DNAJB1: variants seen among roughly 807,000 people sequenced by gnomAD.
DNAJB1 encodes the protein dnaJ homolog subfamily B member 1.
DNAJB1 carries 14 observed loss-of-function variants against 24.0 expected under a neutral mutation model. The ratio of observed to expected loss-of-function variants is 0.58; its 90% CI spans 0.39 to 0.91. DNAJB1 has a LOEUF of 0.91. DNAJB1 is among the 40% of genes least tolerant of loss of function. The probability of loss-of-function intolerance (pLI) is 0.00; values close to 1 mark genes in which losing one functional copy is unlikely to be tolerated. For synonymous variants in DNAJB1, 262 were observed against 174.4 expected (o/e 1.50, Z -3.96); for missense variants, 517 against 458.1 (o/e 1.13, Z -1.17).
chr19:14,529,516 G>A (rs762076874), upstream of DNAJB1: 1 of 797,180 alleles, frequency 1.3e-6, no homozygotes, highest in Admixed American at 2.0e-5. Context: ...AGGAGCAGGG[G>A]CGAACGTGGG....
intron 1 of DNAJB1, among the ~76,000 whole-genome samples, chr19:14,537,993 A>T (rs1389032910): frequency 6.6e-6 from 1 of 152,078 alleles, no homozygotes; most frequent in Non-Finnish European, 1.5e-5. Context: ...TGATCCGCCC[A>T]ACTTGGCCTC....
rs750439930 is a variant in DNAJB1 at position 14,518,182 on chromosome 19, G to A, written c.168C>T (p.Ser56=). 38 of 1,592,400 alleles carry A rather than the reference G, an allele frequency of 2.4e-5. No homozygotes were observed. Among genetic ancestry groups the A allele is most frequent in the Non-Finnish European group, 3.1e-5 (36 of 1,170,500 alleles). Residue 56 remains serine, a synonymous_variant, in exon 1 of 3, where the codon AGC becomes AGT. Transcript: ENST00000254322. ...KEIAEAYDVL[S]DPRKREIFDR... is the part of the protein sequence containing the mutation. ...CGAAGATCTCGCGCTTGCGCGGGTC[G>A]CTGAGCACGTCGTAGGCCTCAGCGA...
intron 1 of DNAJB1, among the ~76,000 whole-genome samples, chr19:14,546,608 T>A (rs1035190264): frequency 7.2e-5 from 11 of 152,214 alleles, no homozygotes; most frequent in Admixed American, 3.3e-4. Flanking sequence ...CCTGGCTGCA[T>A]GCACTACCGT....
At chr19:14,559,441 G>T (rs1047599634) in intron 1 of DNAJB1, among the ~76,000 whole-genome samples, 12 of 151,994 alleles carry the variant, frequency 7.9e-5, no homozygotes, top group Non-Finnish European at 1.3e-4. Flanking sequence ...GTTTCCTAGC[G>T]TAACTTATTT....
At chr19:14,524,469 G>A (rs1414486362) in intron 2 of DNAJB1, among the ~76,000 whole-genome samples, 2 of 152,086 alleles carry the variant, frequency 1.3e-5, no homozygotes, top group African/African-American at 2.4e-5. Flanking sequence ...GCTGCAGTGA[G>A]CTATGAGTGT....
chr19:14,533,511 C>G (rs1448200528), upstream of DNAJB1, among the ~76,000 whole-genome samples: 4 of 152,166 alleles, frequency 2.6e-5, no homozygotes, highest in Non-Finnish European at 5.9e-5. Flanking sequence ...AGGTTGGCCC[C>G]TGGAGAGACC....
chr19:14,535,367 G>C (rs1397493473), intron 1 of DNAJB1, among the ~76,000 whole-genome samples: 6 of 150,658 alleles, frequency 4.0e-5, no homozygotes, highest in Non-Finnish European at 8.9e-5. Flanking sequence ...AGTTAGCTGA[G>C]TGTGGTGGTG....
intron 1 of DNAJB1, among the ~76,000 whole-genome samples, chr19:14,539,747 G>A (rs1045163576): frequency 6.6e-6 from 1 of 151,846 alleles, no homozygotes; most frequent in Admixed American, 6.6e-5. Context: ...TCGTGTTACC[G>A]AGCGCTCAGC....
At chr19:14,537,744 GTTTTTTTTTT>G (rs533380690) in intron 1 of DNAJB1, among the ~76,000 whole-genome samples, 1 of 126,274 alleles carries the variant, frequency 7.9e-6, no homozygotes, top group Non-Finnish European at 1.7e-5. Context: ...AATTATCAGT[GTTTTTTTTTT>G]TTTTTTTTTG....
At position 14,516,903 on chromosome 19, in the gene DNAJB1, G is replaced by A. The variant is rs1298506333; in HGVS notation, c.355C>T (p.Arg119Trp). The change falls in exon 2 of 3, where the codon CGG becomes TGG. Residue 119 changes from arginine to tryptophan, a missense_variant. Physicochemically the swap from Arg to Trp is moderately radical, Grantham distance 101 (BLOSUM62 -3). Transcript: ENST00000254322. The part of the protein sequence containing the change: ...RNPFDTFFGQ[R>W]NGEEGMDIDD... Reference sequence around the variant, plus strand: ...ATGTCCATGCCTTCCTCCCCGTTCCGCTGCCCAAAAAAGGTGTCAAAGGGA... The same window carrying A: ...ATGTCCATGCCTTCCTCCCCGTTCCACTGCCCAAAAAAGGTGTCAAAGGGA... 2 of 1,613,824 alleles carry A rather than the reference G, an allele frequency of 1.2e-6. No individual in the cohort carries two copies. Among genetic ancestry groups the A allele is most frequent in the African/African-American group, 1.3e-5 (1 of 74,872 alleles).
intron 1 of DNAJB1, among the ~76,000 whole-genome samples, chr19:14,540,538 C>G (rs572088135): frequency 1.3e-5 from 2 of 152,000 alleles, no homozygotes; most frequent in African/African-American, 4.8e-5. Context: ...ATTACTGGTG[C>G]CCACCACCAC....
At chr19:14,537,173 G>A (rs1202058623) in intron 1 of DNAJB1, among the ~76,000 whole-genome samples, 1 of 135,976 alleles carries the variant, frequency 7.4e-6, no homozygotes, top group East Asian at 2.2e-4. Context: ...GGCGGGGCCG[G>A]GGGGGAAGGG....
chr19:14,517,146 CTTT>C, intron 1 of DNAJB1, 100 bp from the exon 2 acceptor site: 2 of 1,287,764 alleles, frequency 1.6e-6, no homozygotes, highest in African/African-American at 3.0e-5. Flanking sequence ...GGGGGAGGAA[CTTT>C]TTTGTCTGTC....
chr19:14,529,384 T>C (rs1464861480), upstream of DNAJB1: 1 of 543,014 alleles, frequency 1.8e-6, no homozygotes, highest in Non-Finnish European at 3.3e-6. Context: ...TTTGGATTGG[T>C]GGATGGTCAA....
At chr19:14,541,892 C>T (rs2073107793) in intron 1 of DNAJB1, among the ~76,000 whole-genome samples, 1 of 151,824 alleles carries the variant, frequency 6.6e-6, no homozygotes, top group South Asian at 2.1e-4. Context: ...AAGCGATTCT[C>T]CTGCCTCAGC....
rs150755279 is a variant in DNAJB1, at chr19:14,518,332, G to A, written c.18C>T (p.Tyr6=). MGKDY[Y]QTLGLARGAS... ...CGCCGCGGGCCAGGCCCAACGTCTG[G>A]TAGTAGTCTTTACCCATGACCCCCT... The change falls in exon 1 of 3, where the codon TAC becomes TAT. Residue 6 remains tyrosine (Y), a synonymous_variant. Transcript: ENST00000254322. 2.8e-5 allele frequency: 45 copies of A among 1,593,162 alleles called. No individual in the cohort carries two copies. In the African/African-American group the frequency reaches 4.6e-4, roughly 16 times the overall value.
upstream of DNAJB1, among the ~76,000 whole-genome samples, chr19:14,555,023 C>T (rs2073668913): frequency 6.6e-6 from 1 of 151,554 alleles, no homozygotes; most frequent in Non-Finnish European, 1.5e-5. Context: ...GTGATCTGCC[C>T]ACGTCCGCCT....
upstream of DNAJB1, chr19:14,529,477 A>G: frequency 1.5e-6 from 1 of 677,618 alleles, no homozygotes; most frequent in East Asian, 2.7e-5. Context: ...CCCTGGTGCT[A>G]GTCCTAGTCT....
chr19:14,551,648 G>T (rs2073509873), upstream of DNAJB1, among the ~76,000 whole-genome samples: 1 of 152,000 alleles, frequency 6.6e-6, no homozygotes, highest in Admixed American at 6.6e-5. Flanking sequence ...TGTAAACCCT[G>T]CCTGGGCCCC....
Sources: gnomAD v4.1 joint callset for allele counts (sites outside exome capture counted in the v4.1 genomes callset) on GRCh38, gnomAD v4.1.1 for gene constraint, MANE v1.5 for transcripts, NCBI Gene and HGNC (gene_info 2026-07-23, HGNC 2026-07-21) for gene names.